The following CNTN2 variants were observed in gnomAD, a reference collection of about 807,000 sequenced individuals.
CNTN2 encodes the protein contactin 2.
A neutral mutation model predicts 117.5 loss-of-function variants in CNTN2; 53 were observed. The ratio of observed to expected loss-of-function variants is 0.45; its 90% CI spans 0.36 to 0.57. The LOEUF is 0.57. Among genes scored for constraint, CNTN2 ranks in the 20% least tolerant of loss-of-function variants. The probability of loss-of-function intolerance (pLI) is 0.00; values close to 1 mark genes in which losing one functional copy is unlikely to be tolerated. For missense variants in CNTN2, 1,106 were observed against 1,404.3 expected, an observed-to-expected ratio of 0.79 and a Z score of 3.39; for synonymous variants, 530 against 561.7, an observed-to-expected ratio of 0.94 and a Z score of 0.80.
Position 205,058,515 on chromosome 1 carries a change from AG to A in CNTN2, c.392-49del. 1.9e-6 allele frequency: 3 copies of A among 1,588,368 alleles called. No homozygotes were observed. Among genetic ancestry groups the A allele is most frequent in the Non-Finnish European group, 2.6e-6 (3 of 1,158,916 alleles). ...CTTCTCCGTGAAGGATGAGTCGGGGAGGGGCTCGCAGGCCAGGAGGACAGTG... is the reference window on the plus strand; with the variant it reads ...CTTCTCCGTGAAGGATGAGTCGGGGAGGGCTCGCAGGCCAGGAGGACAGTG... On this transcript the variant is annotated intron_variant, in intron 4 of 22. Transcript: ENST00000331830. This position sits in a 1 kb window ranked among gnomAD's most constrained non-coding sequence, Gnocchi z 4.3.
In CNTN2 at chr1:205,065,536, T is replaced by G. The variant is rs1005179416; in HGVS notation, c.1696-253T>G. On this transcript the variant is annotated intron_variant, in intron 13 of 22. Coordinates refer to ENST00000331830, the MANE Select transcript of CNTN2 (RefSeq NM_005076.5). This position sits in a 1 kb window ranked among gnomAD's most constrained non-coding sequence, Gnocchi z 4.1. Reference sequence around the variant, plus strand: ...CTACTGTTCTTGTTAGCCTGTCCCCTAGGGCAAATGATATTATTAATGTGG... The same window carrying G: ...CTACTGTTCTTGTTAGCCTGTCCCCGAGGGCAAATGATATTATTAATGTGG... Among the ~76,000 whole-genome samples the G allele has an allele frequency of 1.3e-5, 2 of 152,014 alleles. No homozygotes were observed. The highest frequency in any genetic ancestry group is 4.8e-5 in the African/African-American group (2 of 41,390).
intron 1 of CNTN2, among the ~76,000 whole-genome samples, chr1:205,045,225 A>G (rs932859257): frequency 3.3e-5 from 5 of 149,672 alleles, no homozygotes; most frequent in African/African-American, 1.2e-4. Context: ...CCCTTCCTCT[A>G]CTCCTTCTTT....
chr1:205,061,092 A>T lies in CNTN2; in HGVS notation c.798-153A>T. 1.3e-6 allele frequency: 1 copy of T among 781,860 alleles called. No individual in the cohort carries two copies. The highest frequency in any genetic ancestry group is 2.0e-6 in the Non-Finnish European group (1 of 507,078). 48.4% of individuals were successfully genotyped at this position (781,860 alleles called of 1,614,324 possible). Reference sequence around the variant, plus strand: ...GCTCCGAGCCTACCTGGGAGAGGAGAGTGAGGATCAGCCAGAAGGCACCCT... The same window carrying T: ...GCTCCGAGCCTACCTGGGAGAGGAGTGTGAGGATCAGCCAGAAGGCACCCT... On this transcript the variant is annotated intron_variant, in intron 7 of 22. Coordinates refer to ENST00000331830, the MANE Select transcript of CNTN2 (RefSeq NM_005076.5). The surrounding 1 kb of genome is among the most constrained non-coding windows in gnomAD (Gnocchi z 4.8).
rs1399157800 is a variant in CNTN2, at chr1:205,069,973, C to T, written c.2343C>T (p.Tyr781=). ...ACAGCAACGAGAGCGTCCGGCCCTA[C>T]ACGCCCTTTGAGGTCAAGATCCGCA... The part of the protein sequence containing the change: ...FVYSNESVRP[Y]TPFEVKIRSY... The change falls in exon 18 of 23, where the codon TAC becomes TAT. Residue 781 remains tyrosine, a synonymous_variant. Coordinates refer to ENST00000331830, the MANE Select transcript of CNTN2 (RefSeq NM_005076.5). The T allele has an allele frequency of 3.7e-6, 6 of 1,613,658 alleles. No individual in the cohort carries two copies. The African/African-American group carries it at 8.0e-5, about 22-fold the overall frequency.
At position 205,058,675 on chromosome 1, in the gene CNTN2, C is replaced by G. The variant is rs989881388; in HGVS notation, c.487+12C>G. ...TGCCCACTACCCAGGTGAGTCCAGACCTGGGGCCAGGGTTAGAGAGGGCAC... is the reference window on the plus strand; with the variant it reads ...TGCCCACTACCCAGGTGAGTCCAGAGCTGGGGCCAGGGTTAGAGAGGGCAC... On this transcript the variant is annotated intron_variant, in intron 5 of 22. Transcript: ENST00000331830. The surrounding 1 kb of genome is among the most constrained non-coding windows in gnomAD (Gnocchi z 4.3). The G allele has an allele frequency of 1.9e-6, 3 of 1,608,730 alleles. No homozygotes were observed. Among genetic ancestry groups the G allele is most frequent in the Non-Finnish European group, 2.6e-6 (3 of 1,176,216 alleles).
At position 205,058,693 on chromosome 1, in the gene CNTN2, G is replaced by C; in HGVS notation, c.487+30G>C. The C allele has an allele frequency of 1.9e-6, 3 of 1,559,584 alleles. No homozygotes were observed. ...GTCCAGACCTGGGGCCAGGGTTAGA[G>C]AGGGCACAGGAAGGGCTTCCAGATG... On this transcript the variant is annotated intron_variant, in intron 5 of 22. Transcript: ENST00000331830. The surrounding 1 kb of genome is among the most constrained non-coding windows in gnomAD (Gnocchi z 4.3).
At chr1:205,043,780 C>T (rs1231407473) in intron 1 of CNTN2, among the ~76,000 whole-genome samples, 1 of 152,322 alleles carries the variant, frequency 6.6e-6, no homozygotes, top group East Asian at 1.9e-4. Context: ...CAGCCAGGCC[C>T]TGGGCCCTGG....
chr1:205,059,531 G>A lies in CNTN2; in HGVS notation c.698-52G>A. 4.6e-6 allele frequency: 7 copies of A among 1,534,894 alleles called. No homozygotes were observed. Among genetic ancestry groups the A allele is most frequent in the Non-Finnish European group, 6.3e-6 (7 of 1,108,056 alleles). On this transcript the variant is annotated intron_variant, in intron 6 of 22. Transcript: ENST00000331830. The surrounding 1 kb of genome is among the most constrained non-coding windows in gnomAD (Gnocchi z 5.6). The stretch of plus-strand genomic sequence containing the variant: ...AGGTGCTGAGATCCCATGCACGGGA[G>A]CACCTGACCTGGAGTCATCTGCATC...
chr1:205,070,127 G>A, intron 18 of CNTN2, 66 bp downstream of exon 18: 1 of 1,485,872 alleles, frequency 6.7e-7, no homozygotes, highest in African/African-American at 1.4e-5. Flanking sequence ...ATGTGGGGTG[G>A]GGGAACGCTA....
Position 205,065,080 on chromosome 1 carries a change from T to G in CNTN2, c.1520-7T>G. On this transcript the variant is annotated splice_polypyrimidine_tract_variant and splice_region_variant and intron_variant, in intron 12 of 22. Transcript: ENST00000331830. The surrounding 1 kb of genome is among the most constrained non-coding windows in gnomAD (Gnocchi z 4.1). The stretch of plus-strand genomic sequence containing the variant: ...CATCCACCCAAGGGCCTTGTTTTTC[T>G]TGGCAGATGCAACCAAAATCACTCT... 6.2e-7 allele frequency: 1 copy of G among 1,613,856 alleles called. No individual in the cohort carries two copies. The highest frequency in any genetic ancestry group is 8.5e-7 in the Non-Finnish European group (1 of 1,179,902).
chr1:205,052,741 A>G lies in CNTN2; in HGVS notation c.-86-359A>G, dbSNP rs76885069. Among the ~76,000 whole-genome samples the G allele has an allele frequency of 6.6e-4, 101 of 152,312 alleles. 3 individuals are homozygous for G. In the East Asian group the frequency reaches 0.016, roughly 24 times the overall value. On this transcript the variant is annotated intron_variant, in intron 1 of 22. Coordinates refer to ENST00000331830, the MANE Select transcript of CNTN2 (RefSeq NM_005076.5). Reference sequence around the variant, plus strand: ...TGTTACTGACTTCCAACCCATGCACAAGTCCTGTTCTCTTCCGGCCTCGCC... The same window carrying G: ...TGTTACTGACTTCCAACCCATGCACGAGTCCTGTTCTCTTCCGGCCTCGCC...
At position 205,064,651 on chromosome 1, in the gene CNTN2, A is replaced by T. The variant is rs770825119; in HGVS notation, c.1420A>T (p.Ile474Phe). 1.2e-6 allele frequency: 2 copies of T among 1,614,100 alleles called. No homozygotes were observed. The highest frequency in any genetic ancestry group is 4.5e-5 in the East Asian group (2 of 44,870). The change falls in exon 12 of 23, where the codon ATC becomes TTC. Residue 474 changes from isoleucine to phenylalanine, a missense_variant. Ile to Phe is a conservative substitution (Grantham distance 21). Transcript: ENST00000331830. Reference sequence around the variant, plus strand: ...GACTGTAACTCCAGATGGCACCTTGATCATAAGAAACATCAGCCGGTCAGA... The same window carrying T: ...GACTGTAACTCCAGATGGCACCTTGTTCATAAGAAACATCAGCCGGTCAGA... The part of the protein sequence containing the change: ...RVTVTPDGTL[I>F]IRNISRSDEG...
At chr1:205,070,264 A>G in intron 18 of CNTN2, 162 bp from the exon 19 acceptor site, 1 of 704,182 alleles carries the variant, frequency 1.4e-6, no homozygotes, top group Admixed American at 2.7e-5. Flanking sequence ...GCTCTCTGGG[A>G]ATAGAAGTGG....
intron 17 of CNTN2, 73 bp from the exon 18 acceptor site, chr1:205,069,754 G>A (rs1327824282): frequency 1.3e-6 from 2 of 1,535,842 alleles, no homozygotes; most frequent in African/African-American, 1.4e-5. Flanking sequence ...CTTGGCAAAG[G>A]TTGGGTGGGG....
In CNTN2 at chr1:205,066,413, C is replaced by A. The variant is rs1162895186; in HGVS notation, c.1817-28C>A. On this transcript the variant is annotated intron_variant, in intron 14 of 22. Coordinates refer to ENST00000331830, the MANE Select transcript of CNTN2 (RefSeq NM_005076.5). ...CAAATTGGAAGCTGCCCAATTCTGA[C>A]CCACTGTGCTCTGACCTCTTGGTGC... The A allele has an allele frequency of 2.5e-6, 4 of 1,607,828 alleles. No individual in the cohort carries two copies. In the Admixed American group the frequency reaches 5.0e-5, roughly 20 times the overall value.
chr1:205,046,369 TCA>T (rs1158383152), intron 1 of CNTN2, among the ~76,000 whole-genome samples: 1 of 152,172 alleles, frequency 6.6e-6, no homozygotes, highest in Admixed American at 6.5e-5. Context: ...CCCCAGCCCC[TCA>T]CACACACCCA....
At chr1:205,071,019 A>G (rs1223295968) in intron 19 of CNTN2, among the ~76,000 whole-genome samples, 1 of 149,618 alleles carries the variant, frequency 6.7e-6, no homozygotes, top group East Asian at 2.0e-4. Context: ...AAAAGACCCC[A>G]TGGCTTATGC....
rs746241293 is a variant in CNTN2 at position 205,073,246 on chromosome 1, C to T, written c.3013+10C>T. ...ATCGTGAGGAATGGAGGTGCTGCTC[C>T]TCCCCTACCCTTATCCCCTCGAGAG... On this transcript the variant is annotated intron_variant, in intron 22 of 22. Coordinates refer to ENST00000331830, the MANE Select transcript of CNTN2 (RefSeq NM_005076.5). This position sits in a 1 kb window ranked among gnomAD's most constrained non-coding sequence, Gnocchi z 6.3. 3.7e-6 allele frequency: 6 copies of T among 1,613,354 alleles called. No homozygotes were observed. The highest frequency in any genetic ancestry group is 5.1e-6 in the Non-Finnish European group (6 of 1,179,608).
At chr1:205,063,747 G>T (rs1000781069) in intron 10 of CNTN2, 2 of 152,052 alleles carry the variant, frequency 1.3e-5, no homozygotes, top group African/African-American at 4.8e-5. Context: ...TAGGTGGGGT[G>T]GTCAGAGAAG....
Sources: allele counts gnomAD v4.1 joint callset (sites outside exome capture counted in the v4.1 genomes callset), GRCh38; gene constraint gnomAD v4.1.1; non-coding constraint Gnocchi (gnomAD v3.1); transcripts MANE v1.5; gene names NCBI Gene and HGNC (gene_info 2026-07-23, HGNC 2026-07-21).